PHLDA1: variants seen among roughly 807,000 people sequenced by gnomAD.
PHLDA1 encodes the protein pleckstrin homology like domain family A member 1, also known as pleckstrin homology-like domain family A member 1.
Under a neutral mutation model 33.8 loss-of-function variants are expected in PHLDA1, and 28 were observed. That is an observed-to-expected ratio of 0.83 (90% CI 0.61 to 1.14). The LOEUF (loss-of-function observed/expected upper bound fraction) is 1.14. Among genes scored for constraint, PHLDA1 ranks in the 50% most tolerant of loss-of-function variants. The pLI, the probability that PHLDA1 is intolerant of heterozygous loss-of-function variation, is 0.00. For missense variants in PHLDA1, 595 were observed against 548.6 expected (o/e 1.08, Z -0.84); for synonymous variants, 271 against 243.6 (o/e 1.11, Z -1.05).
In PHLDA1 at chr12:76,031,423, T is replaced by A; in HGVS notation, c.319A>T (p.Ser107Cys). The A allele has an allele frequency of 6.4e-7, 1 of 1,554,826 alleles. No homozygotes were observed. Among genetic ancestry groups the A allele is most frequent in the African/African-American group, 1.4e-5 (1 of 73,424 alleles). Residue 107 changes from serine (S) to cysteine (C), a missense_variant, in exon 1 of 2, where the codon AGC becomes TGC. Physicochemically the swap from Ser to Cys is moderately radical, Grantham distance 112. Transcript: ENST00000266671. The surrounding 1 kb of genome is among the most constrained non-coding windows in gnomAD (Gnocchi z 5.4). The stretch of plus-strand genomic sequence containing the variant: ...CTCGCGCCGTCCTCGCCCCAGCGGC[T>A]CCCACGGCCGCCTGCCCGGAGCGCG...
exon 1 of PHLDA1, chr12:76,030,617 G>GTGCGGA (rs1565701930): frequency 2.5e-6 from 4 of 1,577,944 alleles, no homozygotes; most frequent in South Asian, 1.1e-5. Flanking sequence ...GCGGTATTTG[G>GTGCGGA]TGCGGATGCG....
At chr12:76,030,602 T>A in exon 1 of PHLDA1, 2 of 1,605,750 alleles carry the variant, frequency 1.2e-6, no homozygotes, top group Non-Finnish European at 1.7e-6. Flanking sequence ...GCTGTGGGTG[T>A]GGGTGCGGTA....
At position 76,030,703 on chromosome 12, in the gene PHLDA1, G is replaced by A; in HGVS notation, c.1039C>T (p.Gln347Ter). Residue 347 changes from glutamine (Q) to a stop codon, truncating the protein, a stop_gained, in exon 1 of 2, where the codon CAG (glutamine) becomes TAG (stop). Transcript: ENST00000266671. LOFTEE classifies it high-confidence loss of function. Reference sequence around the variant, plus strand: ...TGTGGATGCGGATACGGGTGGAGCTGCTGGGGCTGAGGCTTGGGTTGGGGC... The same window carrying A: ...TGTGGATGCGGATACGGGTGGAGCTACTGGGGCTGAGGCTTGGGTTGGGGC... 1.7e-6 allele frequency: 2 copies of A among 1,162,714 alleles called. No individual in the cohort carries two copies. The highest frequency in any genetic ancestry group is 1.5e-5 in the African/African-American group (1 of 65,676). 72.0% of individuals were successfully genotyped at this position (1,162,714 alleles called of 1,614,324 possible).
At position 76,031,279 on chromosome 12, in the gene PHLDA1, C is replaced by T; in HGVS notation, c.463G>A (p.Val155Met). The T allele has an allele frequency of 6.2e-7, 1 of 1,613,794 alleles. No homozygotes were observed. Among genetic ancestry groups the T allele is most frequent in the Non-Finnish European group, 8.5e-7 (1 of 1,179,884 alleles). Residue 155 changes from valine to methionine, a missense_variant, in exon 1 of 2, where the codon GTG becomes ATG. Physicochemically the swap from Val to Met is conservative, Grantham distance 21 (BLOSUM62 1). Transcript: ENST00000266671. The surrounding 1 kb of genome is among the most constrained non-coding windows in gnomAD (Gnocchi z 5.4). ...AACCCGTCGCTGCGCTTCTCCAGCA[C>T]GCCCTCCTTCAGCGCTTTGCAGCCG...
chr12:76,030,568 G>A, exon 1 of PHLDA1: 4 of 1,613,920 alleles, frequency 2.5e-6, no homozygotes, highest in East Asian at 2.2e-5. Flanking sequence ...CGGAGAAGCC[G>A]GTGCCCGTGC....
At chr12:76,026,730 C>A (rs1393684370) in exon 2 of PHLDA1, 1 of 152,202 alleles carries the variant, frequency 6.6e-6, no homozygotes, top group South Asian at 2.1e-4. Flanking sequence ...AAAAGGGCCC[C>A]TTATAGACAT....
chr12:76,030,485 G>C (rs781697677), intron 1 of PHLDA1, 25 bp downstream of exon 1: 11 of 1,585,674 alleles, frequency 6.9e-6, no homozygotes, highest in Middle Eastern at 1.7e-4. Flanking sequence ...CCCACTCCTC[G>C]GGAGCGCGAG....
At chr12:76,030,480 T>A (rs571717689) in intron 1 of PHLDA1, 30 bp downstream of exon 1, 61 of 1,574,620 alleles carry the variant, frequency 3.9e-5, no homozygotes, top group Middle Eastern at 3.4e-4. Flanking sequence ...CGAGACCCAC[T>A]CCTCGGGAGC....
In PHLDA1 at chr12:76,031,363, T is replaced by A. The variant is rs780704112; in HGVS notation, c.379A>T (p.Asn127Tyr). 7.5e-6 allele frequency: 12 copies of A among 1,610,082 alleles called. No individual in the cohort carries two copies. Among genetic ancestry groups the A allele is most frequent in the Non-Finnish European group, 1.0e-5 (12 of 1,178,640 alleles). ...CCGCCGCTTGGCTCGGCCTCTCCGT[T>A]TCCAGCCGCGCGGGCCGGGGGCAGC... Residue 127 changes from asparagine (N) to tyrosine (Y), a missense_variant, in exon 1 of 2, where the codon AAC (asparagine) becomes TAC (tyrosine). Coordinates refer to ENST00000266671, the Ensembl canonical transcript of PHLDA1. The surrounding 1 kb of genome is among the most constrained non-coding windows in gnomAD (Gnocchi z 5.4).
chr12:76,026,998 G>A (rs1870787991), exon 2 of PHLDA1: 1 of 152,208 alleles, frequency 6.6e-6, no homozygotes, highest in Non-Finnish European at 1.5e-5. Flanking sequence ...TATGAGGCTT[G>A]GTGCCAACAC....
At position 76,031,124 on chromosome 12, in the gene PHLDA1, C is replaced by T. The variant is rs774652329; in HGVS notation, c.618G>A (p.Gly206=). The change falls in exon 1 of 2, where the codon GGG becomes GGA. Residue 206 remains glycine (G), a synonymous_variant. Transcript: ENST00000266671. This position sits in a 1 kb window ranked among gnomAD's most constrained non-coding sequence, Gnocchi z 5.4. ...GTTGGGACGGCTCGGCCGGCCCCTGCCCGGGCTGTTGTTGCTGCTGCTGCT... is the reference window on the plus strand; with the variant it reads ...GTTGGGACGGCTCGGCCGGCCCCTGTCCGGGCTGTTGTTGCTGCTGCTGCT... The T allele has an allele frequency of 6.2e-6, 10 of 1,603,584 alleles. No individual in the cohort carries two copies. In the South Asian group the frequency reaches 9.9e-5, roughly 16 times the overall value.
chr12:76,031,241 C>T lies in PHLDA1; in HGVS notation c.501G>A (p.Trp167Ter). The change falls in exon 1 of 2, where the codon TGG (tryptophan) becomes TGA (stop). Residue 167 changes from tryptophan to a stop codon, truncating the protein, a stop_gained. Transcript: ENST00000266671. LOFTEE classifies it high-confidence loss of function. This position sits in a 1 kb window ranked among gnomAD's most constrained non-coding sequence, Gnocchi z 5.4. ...CGGTGAGGATGCAACACTTTTTCTT[C>T]CAGAGCTGCAACAACCCGTCGCTGC... 6.2e-7 allele frequency: 1 copy of T among 1,613,858 alleles called. No individual in the cohort carries two copies. The highest frequency in any genetic ancestry group is 8.5e-7 in the Non-Finnish European group (1 of 1,179,912).
At chr12:76,028,216 G>A (rs1462065272) in exon 2 of PHLDA1, 1 of 151,698 alleles carries the variant, frequency 6.6e-6, no homozygotes, top group African/African-American at 2.4e-5. Context: ...TCATATATGT[G>A]TACACACATG....
At chr12:76,030,830 C>A in exon 1 of PHLDA1, 1 of 1,579,040 alleles carries the variant, frequency 6.3e-7, no homozygotes, top group Non-Finnish European at 8.6e-7. Context: ...GGGGCTGCTG[C>A]TGGACCAGGT....
In PHLDA1 at chr12:76,031,462, C is replaced by T; in HGVS notation, c.280G>A (p.Val94Ile). The T allele has an allele frequency of 6.5e-7, 1 of 1,538,008 alleles. No homozygotes were observed. Among genetic ancestry groups the T allele is most frequent in the South Asian group, 1.2e-5 (1 of 82,324 alleles). The change falls in exon 1 of 2, where the codon GTT becomes ATT. Residue 94 changes from valine (V) to isoleucine (I), a missense_variant. By Grantham distance (29) the Val-to-Ile change is conservative. Coordinates refer to ENST00000266671, the Ensembl canonical transcript of PHLDA1. This position sits in a 1 kb window ranked among gnomAD's most constrained non-coding sequence, Gnocchi z 5.4. ...GCCCGGAGCGCGCAGAGGAGGCTAA[C>T]ACGCAGGAGGCAGAGCGGCGGCGGC...
At position 76,031,177 on chromosome 12, in the gene PHLDA1, G is replaced by T; in HGVS notation, c.565C>A (p.His189Asn). 6.2e-7 allele frequency: 1 copy of T among 1,612,610 alleles called. No individual in the cohort carries two copies. The highest frequency in any genetic ancestry group is 8.5e-7 in the Non-Finnish European group (1 of 1,179,746). The change falls in exon 1 of 2, where the codon CAC becomes AAC. Residue 189 changes from histidine to asparagine, a missense_variant. Transcript: ENST00000266671. This position sits in a 1 kb window ranked among gnomAD's most constrained non-coding sequence, Gnocchi z 5.4. Reference sequence around the variant, plus strand: ...TGCTGTTGCTGCTGCTGCTGCTGGTGTTGCAGCTGCTTGGGCGGGATAAGC... The same window carrying T: ...TGCTGTTGCTGCTGCTGCTGCTGGTTTTGCAGCTGCTTGGGCGGGATAAGC...
chr12:76,028,804 A>G (rs1870829108), exon 2 of PHLDA1: 1 of 152,622 alleles, frequency 6.6e-6, no homozygotes, highest in Admixed American at 6.5e-5. Context: ...CTACCTTTAA[A>G]AGCATATCCT....
At chr12:76,028,384 T>C (rs1164844435) in exon 2 of PHLDA1, 2 of 152,242 alleles carry the variant, frequency 1.3e-5, no homozygotes, top group Non-Finnish European at 2.9e-5. Context: ...ATTAGCTTAA[T>C]AGGGGAAAGC....
At chr12:76,026,122 A>T (rs1870769573) in exon 2 of PHLDA1, 1 of 152,222 alleles carries the variant, frequency 6.6e-6, no homozygotes, top group Non-Finnish European at 1.5e-5. Context: ...TATCTCTTGA[A>T]TCACTGATGG....
Sources: gnomAD v4.1 joint callset for allele counts on GRCh38, gnomAD v4.1.1 for gene constraint, Gnocchi (gnomAD v3.1) non-coding constraint, MANE v1.5 for transcripts, NCBI Gene and HGNC (gene_info 2026-07-23, HGNC 2026-07-21) for gene names.